The following RMC1 variants were observed in gnomAD, a reference collection of about 807,000 sequenced individuals.
RMC1 encodes regulator of MON1-CCZ1.
RMC1 carries 44 observed loss-of-function variants against 95.5 expected under a neutral mutation model. The ratio of observed to expected loss-of-function variants is 0.46; its 90% CI spans 0.36 to 0.59. The LOEUF (loss-of-function observed/expected upper bound fraction) is 0.59, where lower values mean the gene tolerates loss of function less well. Among genes scored for constraint, RMC1 ranks in the 20% least tolerant of loss-of-function variants. RMC1 has a pLI of 0.00. For missense variants in RMC1, 705 were observed against 819.6 expected, an observed-to-expected ratio of 0.86 and a Z score of 1.71; for synonymous variants, 320 against 303.6, an observed-to-expected ratio of 1.05 and a Z score of -0.56.
chr18:23,523,356 C>T (rs770237804), intron 10 of RMC1, among the ~76,000 whole-genome samples: 2 of 151,880 alleles, frequency 1.3e-5, no homozygotes, highest in Non-Finnish European at 2.9e-5. Context: ...GGGTCTGCTT[C>T]CCAGACGAGC....
intron 12 of RMC1, among the ~76,000 whole-genome samples, 168 bp from the exon 13 acceptor site, chr18:23,526,469 T>C (rs1741395326): frequency 6.6e-6 from 1 of 152,184 alleles, no homozygotes; most frequent in South Asian, 2.1e-4. Flanking sequence ...GAATTGCTCC[T>C]GAATGGCTCA....
intron 12 of RMC1, 37 bp from the exon 13 acceptor site, chr18:23,526,600 C>T (rs1376622390): frequency 6.2e-7 from 1 of 1,608,652 alleles, no homozygotes; most frequent in South Asian, 1.1e-5. Flanking sequence ...TTACGGTTTG[C>T]ATCATACTGT....
intron 3 of RMC1, among the ~76,000 whole-genome samples, chr18:23,507,567 C>T (rs891389): frequency 0.27 from 41,003 of 151,950 alleles, 6,270 homozygotes; most frequent in Middle Eastern, 0.35. Flanking sequence ...CACTTTAGCC[C>T]GTGTAAATGT....
chr18:23,516,255 C>T, intron 6 of RMC1, 65 bp from the exon 7 acceptor site: 1 of 1,549,000 alleles, frequency 6.5e-7, no homozygotes, highest in East Asian at 2.2e-5. Flanking sequence ...TGGTTTTACA[C>T]AGGGAATGAT....
At position 23,504,399 on chromosome 18, in the gene RMC1, C is replaced by T. The variant is rs1212599068; in HGVS notation, c.131C>T (p.Thr44Ile). 4 of 1,614,086 alleles carry T rather than the reference C, an allele frequency of 2.5e-6. No individual in the cohort carries two copies. Among genetic ancestry groups the T allele is most frequent in the Non-Finnish European group, 2.5e-6 (3 of 1,180,026 alleles). The change falls in exon 2 of 20, where the codon ACT (threonine) becomes ATT (isoleucine). Residue 44 changes from threonine to isoleucine, a missense_variant. By Grantham distance (89) the Thr-to-Ile change is moderately conservative. Coordinates refer to ENST00000269221, the MANE Select transcript of RMC1 (RefSeq NM_013326.5). ...TTTGCTGTTCGATCTGGTGGAGCTA[C>T]TGGCGTGGTAGTTAAAGGCCCAGAT... ...QVFAVRSGGA[T>I]GVVVKGPDDR...
At chr18:23,527,514 A>G (rs2058338595) in intron 13 of RMC1, among the ~76,000 whole-genome samples, 1 of 150,944 alleles carries the variant, frequency 6.6e-6, no homozygotes, top group African/African-American at 2.4e-5. Flanking sequence ...TCCCAGCGTT[A>G]AGTGATCCTT....
intron 13 of RMC1, among the ~76,000 whole-genome samples, chr18:23,527,249 A>T (rs1287899342): frequency 6.8e-6 from 1 of 147,772 alleles, no homozygotes; most frequent in Non-Finnish European, 1.5e-5. Context: ...AAAAAAAAAA[A>T]TTAGCTGAGT....
At chr18:23,523,859 A>G (rs2058216846) in intron 10 of RMC1, among the ~76,000 whole-genome samples, 1 of 152,220 alleles carries the variant, frequency 6.6e-6, no homozygotes, top group South Asian at 2.1e-4. Flanking sequence ...ATCATGAGTC[A>G]TCTTTGGTTA....
intron 5 of RMC1, among the ~76,000 whole-genome samples, chr18:23,511,346 A>G (rs2057852499): frequency 6.6e-6 from 1 of 152,150 alleles, no homozygotes. Flanking sequence ...GGGAGGAGGG[A>G]GAGGAGCAGA....
rs1244537001 is a variant in RMC1, at chr18:23,503,727, C to T, written c.102+7C>T. 1.9e-6 allele frequency: 3 copies of T among 1,583,488 alleles called. No homozygotes were observed. Among genetic ancestry groups the T allele is most frequent in the Non-Finnish European group, 2.6e-6 (3 of 1,166,216 alleles). On this transcript the variant is annotated splice_region_variant and intron_variant, in intron 1 of 19. Coordinates refer to ENST00000269221, the MANE Select transcript of RMC1 (RefSeq NM_013326.5). ...CGATGAGGCCAACAAGCAGGTCCGGCGCGCCCGCGCTTCCTCCCCCGCGCG... is the reference window on the plus strand; with the variant it reads ...CGATGAGGCCAACAAGCAGGTCCGGTGCGCCCGCGCTTCCTCCCCCGCGCG...
At chr18:23,507,922 A>G (rs2057754538) in intron 3 of RMC1, 63 bp from the exon 4 acceptor site, 23 of 1,488,652 alleles carry the variant, frequency 1.5e-5, no homozygotes, top group East Asian at 2.3e-5. Context: ...TAGTATGCCA[A>G]CGTAGGTTGG....
chr18:23,506,646 TGA>T (rs1261443960), intron 2 of RMC1: 1 of 256,510 alleles, frequency 3.9e-6, no homozygotes, highest in South Asian at 4.1e-5. Context: ...AGCTTTGCTG[TGA>T]GAGAGAAACA....
intron 12 of RMC1, 42 bp from the exon 13 acceptor site, chr18:23,526,595 G>A: frequency 6.2e-7 from 1 of 1,604,046 alleles, no homozygotes; most frequent in African/African-American, 1.3e-5. Context: ...TTTTGTTACG[G>A]TTTGCATCAT....
chr18:23,506,705 G>A (rs2057725875), intron 2 of RMC1: 1 of 340,958 alleles, frequency 2.9e-6, no homozygotes, highest in African/African-American at 2.2e-5. Flanking sequence ...TATTTATGTT[G>A]GAACAATTCT....
rs776886183 is a variant in RMC1, at chr18:23,519,060, A to G, written c.744-9A>G. 45 of 1,613,770 alleles carry G rather than the reference A, an allele frequency of 2.8e-5. No individual in the cohort carries two copies. Among genetic ancestry groups the G allele is most frequent in the Middle Eastern group, 1.6e-4 (1 of 6,082 alleles). ...CTTGTTGATCTGTTTTTTGCTTTCT[A>G]TCCTACAGAGAAGGTGCCTGTAAAA... On this transcript the variant is annotated splice_polypyrimidine_tract_variant and intron_variant, in intron 8 of 19. Transcript: ENST00000269221.
intron 5 of RMC1, among the ~76,000 whole-genome samples, chr18:23,513,184 C>T (rs1398815179): frequency 6.6e-6 from 1 of 152,156 alleles, no homozygotes; most frequent in Non-Finnish European, 1.5e-5. Context: ...GAACTCCTGA[C>T]TTCAGGTGAT....
chr18:23,524,184 A>G lies in RMC1; in HGVS notation c.1006+10A>G. 2 of 1,613,298 alleles carry G rather than the reference A, an allele frequency of 1.2e-6. No individual in the cohort carries two copies. Among genetic ancestry groups the G allele is most frequent in the Non-Finnish European group, 8.5e-7 (1 of 1,179,976 alleles). ...GTTCCATGTAAACTCTGTATCCTTT[A>G]CTAAGGTGTGGCACCGTGCACAACA... On this transcript the variant is annotated intron_variant, in intron 11 of 19. Coordinates refer to ENST00000269221, the MANE Select transcript of RMC1 (RefSeq NM_013326.5).
At chr18:23,520,394 T>G (rs2058112275) in intron 10 of RMC1, 81 bp downstream of exon 10, 9 of 1,157,990 alleles carry the variant, frequency 7.8e-6, no homozygotes, top group Non-Finnish European at 1.3e-6. Flanking sequence ...GGGAGTCACG[T>G]TAAAAGTGGA....
chr18:23,527,589 C>CTTTTTTTTTTTTT (rs71163615), intron 13 of RMC1, among the ~76,000 whole-genome samples: 1 of 108,372 alleles, frequency 9.2e-6, no homozygotes. Context: ...CCTGCTATAG[C>CTTTTTTTTTTTTT]TTTTTTTTTT....
Sources: allele counts gnomAD v4.1 joint callset (sites outside exome capture counted in the v4.1 genomes callset), GRCh38; gene constraint gnomAD v4.1.1; transcripts MANE v1.5; gene names NCBI Gene and HGNC (gene_info 2026-07-23, HGNC 2026-07-21).